FTO: variants seen among roughly 807,000 people sequenced by gnomAD.
The protein encoded by FTO is FTO alpha-ketoglutarate dependent dioxygenase, also known as alpha-ketoglutarate-dependent dioxygenase FTO.
In FTO, 47 loss-of-function variants were observed where a neutral mutation model predicts 63.9. That is an observed-to-expected ratio of 0.74 (90% CI 0.58 to 0.94). FTO has a LOEUF of 0.94. Among genes scored for constraint, FTO ranks in the 40% least tolerant of loss-of-function variants. The probability of loss-of-function intolerance (pLI) is 0.00; values close to 1 mark genes in which losing one functional copy is unlikely to be tolerated. For synonymous variants in FTO, 207 were observed against 224.4 expected, an observed-to-expected ratio of 0.92 and a Z score of 0.69; for missense variants, 562 against 618.1, an observed-to-expected ratio of 0.91 and a Z score of 0.96.
intron 7 of FTO, among the ~76,000 whole-genome samples, chr16:53,925,414 G>A (rs16952659): frequency 0.018 from 2,780 of 152,200 alleles, 36 homozygotes; most frequent in Middle Eastern, 0.037. Flanking sequence ...AAGGTACGCA[G>A]TTCTGGGATC....
At chr16:54,009,008 TC>T (rs11295022) in intron 8 of FTO, among the ~76,000 whole-genome samples, 102,456 of 149,142 alleles carry the variant, frequency 0.69, 35,985 homozygotes, top group African/African-American at 0.84. Context: ...AAAGACCCTG[TC>T]CCCCCCCCAA....
chr16:53,870,116 G>C (rs2080453386), intron 4 of FTO, among the ~76,000 whole-genome samples: 1 of 152,038 alleles, frequency 6.6e-6, no homozygotes, highest in African/African-American at 2.4e-5. Flanking sequence ...GTTCCAATAG[G>C]ATGGCTAGCA....
At chr16:53,883,646 A>AAAAAAAAAAAAAAAC (rs1555489016) in intron 6 of FTO, among the ~76,000 whole-genome samples, 3 of 135,702 alleles carry the variant, frequency 2.2e-5, no homozygotes, top group Non-Finnish European at 3.1e-5. Context: ...CAAAAAAAAA[A>AAAAAAAAAAAAAAAC]AAACAAATTT....
intron 1 of FTO, among the ~76,000 whole-genome samples, chr16:53,797,424 G>T (rs1261308253): frequency 6.6e-6 from 1 of 152,200 alleles, no homozygotes; most frequent in East Asian, 1.9e-4. Context: ...GGTTTAGGGG[G>T]AGGCCTGTCT....
intron 8 of FTO, among the ~76,000 whole-genome samples, chr16:54,054,935 G>A (rs1238621456): frequency 6.6e-6 from 1 of 152,162 alleles, no homozygotes; most frequent in Non-Finnish European, 1.5e-5. Context: ...TGATACAAGA[G>A]CTCATTCTCT....
chr16:54,014,102 G>A (rs1277363799), intron 8 of FTO, among the ~76,000 whole-genome samples: 12 of 152,128 alleles, frequency 7.9e-5, no homozygotes, highest in Admixed American at 2.6e-4. Flanking sequence ...CTTTGCTAGT[G>A]ATATATGCAC....
intron 8 of FTO, among the ~76,000 whole-genome samples, chr16:54,073,856 A>G (rs1228174050): frequency 6.6e-6 from 1 of 152,132 alleles, no homozygotes; most frequent in East Asian, 1.9e-4. Context: ...ATAGACTCCC[A>G]TCTATAGAAT....
At chr16:53,744,514 C>T (rs1204623914) in intron 1 of FTO, among the ~76,000 whole-genome samples, 1 of 152,150 alleles carries the variant, frequency 6.6e-6, no homozygotes, top group Non-Finnish European at 1.5e-5. Flanking sequence ...ATGAGAGAGC[C>T]TTGTCAGGCA....
At chr16:53,984,325 T>C (rs1241722022) in intron 8 of FTO, among the ~76,000 whole-genome samples, 2 of 125,670 alleles carry the variant, frequency 1.6e-5, no homozygotes, top group African/African-American at 6.7e-5. Flanking sequence ...ATGGGTCTTT[T>C]TTTTTTTTTT....
intron 8 of FTO, among the ~76,000 whole-genome samples, chr16:54,035,243 A>G (rs1201602838): frequency 1.3e-5 from 2 of 152,238 alleles, no homozygotes; most frequent in African/African-American, 4.8e-5. Flanking sequence ...AGAAAACAGC[A>G]AAGAAGTTTT....
chr16:54,036,793 T>TGTA (rs1445269680), intron 8 of FTO, among the ~76,000 whole-genome samples: 3 of 152,192 alleles, frequency 2.0e-5, no homozygotes, highest in Admixed American at 6.5e-5. Context: ...GGTATAGATG[T>TGTA]GTAGTAATAC....
chr16:53,735,112 TACTC>T (rs1482549003), intron 1 of FTO, among the ~76,000 whole-genome samples: 3 of 152,236 alleles, frequency 2.0e-5, no homozygotes, highest in Non-Finnish European at 4.4e-5. Flanking sequence ...GCTTCTGCCA[TACTC>T]AATTAATGTG....
At chr16:53,783,952 C>T (rs560132647) in intron 1 of FTO, among the ~76,000 whole-genome samples, 5 of 152,296 alleles carry the variant, frequency 3.3e-5, no homozygotes, top group African/African-American at 9.6e-5. Flanking sequence ...CCTCACCTCA[C>T]TGGCCTTAGA....
intron 1 of FTO, among the ~76,000 whole-genome samples, chr16:53,708,654 T>A (rs948513366): frequency 9.2e-5 from 14 of 152,246 alleles, no homozygotes; most frequent in Non-Finnish European, 1.9e-4. Flanking sequence ...TTTTGAGGGT[T>A]ACAATTTTGT....
chr16:53,794,050 A>AACG (rs1567992084), intron 1 of FTO, among the ~76,000 whole-genome samples: 2 of 152,132 alleles, frequency 1.3e-5, no homozygotes, highest in Non-Finnish European at 2.9e-5. Context: ...TGAACTTGCC[A>AACG]AAGATTTAAA....
At chr16:53,841,231 C>T (rs953476720) in intron 3 of FTO, among the ~76,000 whole-genome samples, 3 of 150,918 alleles carry the variant, frequency 2.0e-5, no homozygotes, top group African/African-American at 7.3e-5. Context: ...TCTAAAAAGC[C>T]GCAACCAGCC....
intron 7 of FTO, among the ~76,000 whole-genome samples, chr16:53,929,513 T>A (rs1466391233): frequency 1.3e-5 from 2 of 152,254 alleles, no homozygotes. Flanking sequence ...TTTGTGTACA[T>A]GTTTTTGTTT....
At chr16:54,016,300 A>C (rs79097864) in intron 8 of FTO, among the ~76,000 whole-genome samples, 1 of 70,914 alleles carries the variant, frequency 1.4e-5, no homozygotes, top group African/African-American at 1.0e-4. Flanking sequence ...ATGAAAAAAA[A>C]AAAAAAAAAA....
rs1434605904 is a variant in FTO, at chr16:53,917,127, T to TACCCCATGAGAATCTGGGCC, written c.1240-16855_1240-16836dup. Among the ~76,000 whole-genome samples the TACCCCATGAGAATCTGGGCC allele has an allele frequency of 1.2e-4, 19 of 152,312 alleles. No individual in the cohort carries two copies. The East Asian group carries it at 3.7e-3, about 29-fold the overall frequency. ...ATTCTGCCAGCCATCCTTACTCTGC[T>TACCCCATGAGAATCTGGGCC]ACCCCATGAGAATCTGGGCCACTCA... is the stretch of plus-strand genomic sequence containing the variant. On this transcript the variant is annotated intron_variant, in intron 7 of 8. Coordinates refer to ENST00000471389, the MANE Select transcript of FTO (RefSeq NM_001080432.3).
Sources: gnomAD v4.1 joint callset for allele counts (sites outside exome capture counted in the v4.1 genomes callset) on GRCh38, gnomAD v4.1.1 for gene constraint, MANE v1.5 for transcripts, NCBI Gene and HGNC (gene_info 2026-07-23, HGNC 2026-07-21) for gene names.